Variants in MTARC1 observed in about 807,000 individuals in gnomAD.
The protein encoded by MTARC1 is mitochondrial amidoxime reducing component 1.
Under a neutral mutation model 33.6 loss-of-function variants are expected in MTARC1, and 24 were observed. The observed-to-expected ratio is 0.72, with a 90% CI of 0.52 to 1.01. The LOEUF is 1.01. Ranked by LOEUF, MTARC1 falls within the 50% of genes least tolerant of loss-of-function variation. MTARC1 has a pLI of 0.00. For missense variants in MTARC1, 417 were observed against 445.7 expected (o/e 0.94, Z 0.58); for synonymous variants, 187 against 189.5 (o/e 0.99, Z 0.11).
intron 4 of MTARC1, chr1:220,798,865 C>A: frequency 3.0e-6 from 3 of 985,402 alleles, no homozygotes; most frequent in Non-Finnish European, 3.6e-6. Flanking sequence ...GAGTTTTAAC[C>A]TTTTATCCTC....
rs908832586 is a variant in MTARC1 at position 220,787,046 on chromosome 1, G to T, written c.102G>T (p.Ala34=). The T allele has an allele frequency of 1.3e-5, 18 of 1,403,250 alleles. No individual in the cohort carries two copies. Among genetic ancestry groups the T allele is most frequent in the Non-Finnish European group, 1.2e-5 (13 of 1,088,088 alleles). The allele number at this position is 1,403,250 out of a possible 1,614,324, so 86.9% of individuals were successfully genotyped here. ...CCGCGCTGGGCCTGACCGCGGTGGC[G>T]CTGGGGGCTGTCGCCTGGCGCCGCG... ...GVAALGLTAV[A]LGAVAWRRAW... The change falls in exon 1 of 7, where the codon GCG becomes GCT. Residue 34 remains alanine (A), a synonymous_variant. Transcript: ENST00000366910.
chr1:220,800,041 T>C (rs2642440), intron 4 of MTARC1, among the ~76,000 whole-genome samples: 1 of 152,038 alleles, frequency 6.6e-6, no homozygotes, highest in Non-Finnish European at 1.5e-5. Flanking sequence ...CTTTCTCCCC[T>C]GTGTGATTTG....
intron 2 of MTARC1, among the ~76,000 whole-genome samples, chr1:220,792,672 A>G (rs1324565043): frequency 6.6e-6 from 1 of 151,830 alleles, no homozygotes; most frequent in Non-Finnish European, 1.5e-5. Flanking sequence ...AAAAAGAAAC[A>G]AAAACTATCT....
chr1:220,787,157 G>C lies in MTARC1; in HGVS notation c.213G>C (p.Gly71=). 3 of 1,578,292 alleles carry C rather than the reference G, an allele frequency of 1.9e-6. No homozygotes were observed. The highest frequency in any genetic ancestry group is 2.6e-6 in the Non-Finnish European group (3 of 1,162,994). Residue 71 remains glycine (G), a synonymous_variant, in exon 1 of 7, where the codon GGG becomes GGC. Transcript: ENST00000366910. ...TCTACCCTGTGAAATCCTGCAAGGG[G>C]GTGCCGGTGAGCGAGGCGGAGTGCA... The part of the protein sequence containing the change: ...LWIYPVKSCK[G]VPVSEAECTA...
At chr1:220,794,809 G>A (rs1396304317) in intron 2 of MTARC1, among the ~76,000 whole-genome samples, 1 of 152,118 alleles carries the variant, frequency 6.6e-6, no homozygotes, top group Non-Finnish European at 1.5e-5. Flanking sequence ...TGATTCTCAG[G>A]AGTTAATTTA....
intron 2 of MTARC1, among the ~76,000 whole-genome samples, chr1:220,792,801 G>A (rs919429998): frequency 2.6e-5 from 4 of 152,020 alleles, no homozygotes; most frequent in Non-Finnish European, 5.9e-5. Context: ...AAATTGATAT[G>A]TTGAGTATTT....
chr1:220,811,387 T>C (rs1457804730), intron 6 of MTARC1, among the ~76,000 whole-genome samples: 1 of 152,236 alleles, frequency 6.6e-6, no homozygotes. Context: ...ACAGTGTATG[T>C]GTGAGGCACT....
chr1:220,803,694 GT>G (rs34028233), intron 4 of MTARC1, among the ~76,000 whole-genome samples: 31 of 149,262 alleles, frequency 2.1e-4, no homozygotes, highest in East Asian at 1.6e-3. Flanking sequence ...ATCTCCAGTA[GT>G]TTTTTTTTTG....
At position 220,791,088 on chromosome 1, in the gene MTARC1, C is replaced by T. The variant is rs1324850609; in HGVS notation, c.276-403C>T. 10 of 169,596 alleles carry T rather than the reference C, an allele frequency of 5.9e-5. No individual in the cohort carries two copies. In the East Asian group the frequency reaches 1.4e-3, roughly 23 times the overall value. The allele number at this position is 169,596 out of a possible 1,614,324, so 10.5% of individuals were successfully genotyped here. A position where few individuals can be genotyped will look rare whatever the true frequency, so the allele number is the denominator to read the frequency against. On this transcript the variant is annotated intron_variant, in intron 1 of 6. Coordinates refer to ENST00000366910, the MANE Select transcript of MTARC1 (RefSeq NM_022746.4). The stretch of plus-strand genomic sequence containing the variant: ...ATTTCCACTGACAAGAGCCCGTTGC[C>T]TACCAGATGCCAGGCCCTGTGCTTC...
chr1:220,800,505 T>A (rs1490554724), intron 4 of MTARC1, among the ~76,000 whole-genome samples: 1 of 152,076 alleles, frequency 6.6e-6, no homozygotes, highest in Non-Finnish European at 1.5e-5. Context: ...TGGGGTGAGC[T>A]GAAGCATGGG....
rs1358896609 is a variant in MTARC1 at position 220,787,198 on chromosome 1, G to A, written c.254G>A (p.Arg85His). 1.3e-6 allele frequency: 2 copies of A among 1,576,442 alleles called. No individual in the cohort carries two copies. Among genetic ancestry groups the A allele is most frequent in the African/African-American group, 1.4e-5 (1 of 73,894 alleles). The part of the protein sequence containing the change: ...SEAECTAMGL[R>H]SGNLRDRFWL... Reference sequence around the variant, plus strand: ...GCGGAGTGCACGGCCATGGGGCTGCGCAGCGGCAACCTGCGGGACAGGTAC... The same window carrying A: ...GCGGAGTGCACGGCCATGGGGCTGCACAGCGGCAACCTGCGGGACAGGTAC... The change falls in exon 1 of 7, where the codon CGC becomes CAC. Residue 85 changes from arginine (R) to histidine (H), a missense_variant. Coordinates refer to ENST00000366910, the MANE Select transcript of MTARC1 (RefSeq NM_022746.4).
rs766390216 is a variant in MTARC1 at position 220,791,634 on chromosome 1, C to T, written c.419C>T (p.Thr140Met). Residue 140 changes from threonine (T) to methionine (M), a missense_variant, in exon 2 of 7, where the codon ACG (threonine) becomes ATG (methionine). Coordinates refer to ENST00000366910, the MANE Select transcript of MTARC1 (RefSeq NM_022746.4). ...YTKDLLLPIKTPTTNAVHKCR... is the reference protein window; with the variant it reads ...YTKDLLLPIKMPTTNAVHKCR... ...AAGGACCTACTACTGCCTATCAAAA[C>T]GCCCACCACAAATGCAGTGCACAAG... 72 of 1,613,988 alleles carry T rather than the reference C, an allele frequency of 4.5e-5. No homozygotes were observed. The highest frequency in any genetic ancestry group is 5.2e-5 in the Non-Finnish European group (61 of 1,180,006).
chr1:220,809,880 G>A (rs1026220920), intron 6 of MTARC1, among the ~76,000 whole-genome samples: 1 of 152,214 alleles, frequency 6.6e-6, no homozygotes, highest in Non-Finnish European at 1.5e-5. Context: ...TCCCATGAAC[G>A]CCAGTGGTGG....
At chr1:220,787,241 G>A in intron 1 of MTARC1, 22 bp downstream of exon 1, 1 of 1,548,388 alleles carries the variant, frequency 6.5e-7, no homozygotes, top group East Asian at 2.4e-5. Context: ...CGCCGGCGCG[G>A]GGCAGCGCTG....
At chr1:220,800,321 G>A (rs1045234835) in intron 4 of MTARC1, among the ~76,000 whole-genome samples, 2 of 152,194 alleles carry the variant, frequency 1.3e-5, no homozygotes, top group African/African-American at 4.8e-5. Context: ...GTGGGTTGCT[G>A]CCCCTGTGTG....
chr1:220,791,519 A>T lies in MTARC1; in HGVS notation c.304A>T (p.Asn102Tyr). 3 of 1,614,126 alleles carry T rather than the reference A, an allele frequency of 1.9e-6. No homozygotes were observed. The highest frequency in any genetic ancestry group is 2.5e-6 in the Non-Finnish European group (3 of 1,180,006). The part of the protein sequence containing the change: ...RFWLVINQEG[N>Y]MVTARQEPRL... Reference sequence around the variant, plus strand: ...TTGGCTTGTGATCAACCAGGAGGGAAACATGGTTACTGCTCGCCAGGAACC... The same window carrying T: ...TTGGCTTGTGATCAACCAGGAGGGATACATGGTTACTGCTCGCCAGGAACC... The change falls in exon 2 of 7, where the codon AAC (asparagine) becomes TAC (tyrosine). Residue 102 changes from asparagine to tyrosine, a missense_variant. Transcript: ENST00000366910.
intron 1 of MTARC1, among the ~76,000 whole-genome samples, chr1:220,789,830 A>G (rs1672367750): frequency 6.6e-6 from 1 of 152,258 alleles, no homozygotes; most frequent in Admixed American, 6.5e-5. Flanking sequence ...CAAATATTGC[A>G]TAATTCCAAT....
Position 220,796,734 on chromosome 1 carries a change from G to A in MTARC1, c.541G>A (p.Val181Met). The change falls in exon 3 of 7, where the codon GTG becomes ATG. Residue 181 changes from valine to methionine, a missense_variant. Val to Met is a conservative substitution (Grantham distance 21). Transcript: ENST00000366910. ...SFLKSQPYRL[V>M]HFEPHMRPRR... ...CCTGAAGTCACAGCCCTACCGCCTGGTGCACTTCGAGCCTCACATGCGACC... is the reference window on the plus strand; with the variant it reads ...CCTGAAGTCACAGCCCTACCGCCTGATGCACTTCGAGCCTCACATGCGACC... The A allele has an allele frequency of 1.2e-6, 2 of 1,612,714 alleles. No homozygotes were observed. Among genetic ancestry groups the A allele is most frequent in the Non-Finnish European group, 1.7e-6 (2 of 1,179,494 alleles).
chr1:220,791,916 G>A (rs1186747340), intron 2 of MTARC1, among the ~76,000 whole-genome samples: 1 of 152,112 alleles, frequency 6.6e-6, no homozygotes, highest in Admixed American at 6.5e-5. Context: ...GAGAACAAAA[G>A]CATATTGACA....
Sources: gnomAD v4.1 joint callset for allele counts (sites outside exome capture counted in the v4.1 genomes callset) on GRCh38, gnomAD v4.1.1 for gene constraint, MANE v1.5 for transcripts, NCBI Gene and HGNC (gene_info 2026-07-23, HGNC 2026-07-21) for gene names.